Variants in TBC1D22A observed in about 807,000 individuals in gnomAD.
TBC1D22A encodes the protein TBC1 domain family member 22A, also known as putative GTPase activator.
TBC1D22A carries 38 observed loss-of-function variants against 60.2 expected under a neutral mutation model. The ratio of observed to expected loss-of-function variants is 0.63; its 90% confidence interval spans 0.49 to 0.83. TBC1D22A has a LOEUF of 0.83. Ranked by LOEUF, TBC1D22A falls within the 40% of genes least tolerant of loss-of-function variation. The pLI, the probability that TBC1D22A is intolerant of heterozygous loss-of-function variation, is 0.00. For missense variants in TBC1D22A, 628 were observed against 701.0 expected, an observed-to-expected ratio of 0.90 and a Z score of 1.18; for synonymous variants, 302 against 281.7, an observed-to-expected ratio of 1.07 and a Z score of -0.72.
intron 11 of TBC1D22A, among the ~76,000 whole-genome samples, chr22:47,075,102 A>G (rs1196057442): frequency 2.0e-5 from 3 of 152,116 alleles, no homozygotes; most frequent in African/African-American, 7.2e-5. Flanking sequence ...GGGCGCCTGT[A>G]GTCCCAGCTG....
Position 46,823,800 on chromosome 22 carries a change from C to T in TBC1D22A, c.637+26180C>T, listed in dbSNP as rs141016962. 2.0e-3 allele frequency among the ~76,000 whole-genome samples: 307 copies of T among 152,324 alleles called. 1 individual carries two copies. The highest frequency in any genetic ancestry group is 2.9e-3 in the Non-Finnish European group (199 of 68,012). On this transcript the variant is annotated intron_variant, in intron 4 of 12. Coordinates refer to ENST00000337137, the MANE Select transcript of TBC1D22A (RefSeq NM_014346.5). ...GCACTTCTGGGGTAAGAGCCTGCTG[C>T]GTGCCACATGCCGTCACAGGAGCCG...
At chr22:46,942,184 A>G (rs1181983229) in intron 8 of TBC1D22A, among the ~76,000 whole-genome samples, 1 of 152,050 alleles carries the variant, frequency 6.6e-6, no homozygotes, top group African/African-American at 2.4e-5. Context: ...AGGACTAGGC[A>G]GGCTGCCCGG....
intron 4 of TBC1D22A, among the ~76,000 whole-genome samples, chr22:46,802,210 G>A (rs1241018677): frequency 2.0e-5 from 3 of 152,240 alleles, no homozygotes; most frequent in African/African-American, 7.2e-5. Context: ...AGGCACTGGG[G>A]AGGAATCGGC....
At chr22:47,114,238 C>A (rs940803242) in intron 12 of TBC1D22A, among the ~76,000 whole-genome samples, 32 of 150,226 alleles carry the variant, frequency 2.1e-4, no homozygotes, top group African/African-American at 7.5e-4. Flanking sequence ...AGCCACACGG[C>A]CAGGGTGTGG....
At chr22:47,046,646 T>C (rs1257369018) in intron 11 of TBC1D22A, among the ~76,000 whole-genome samples, 1 of 152,172 alleles carries the variant, frequency 6.6e-6, no homozygotes. Context: ...GTAGAAAGAA[T>C]AGGGCTGAAC....
chr22:47,031,344 G>A (rs768302107), intron 10 of TBC1D22A, among the ~76,000 whole-genome samples: 24 of 152,364 alleles, frequency 1.6e-4, no homozygotes, highest in Non-Finnish European at 2.5e-4. Context: ...GCAGAAACAG[G>A]CCTTGTCTTC....
intron 1 of TBC1D22A, among the ~76,000 whole-genome samples, chr22:46,782,735 T>C (rs2083994293): frequency 6.6e-6 from 1 of 152,214 alleles, no homozygotes; most frequent in Non-Finnish European, 1.5e-5. Flanking sequence ...AATCATACAG[T>C]ATGCGGCCTT....
chr22:46,915,444 C>A (rs1190230950), intron 8 of TBC1D22A: 1 of 456,682 alleles, frequency 2.2e-6, no homozygotes, highest in South Asian at 1.5e-5. Context: ...GAGCACCTGC[C>A]AGTCCTTGGG....
At chr22:46,939,941 GT>G (rs1438189619) in intron 8 of TBC1D22A, among the ~76,000 whole-genome samples, 1 of 152,186 alleles carries the variant, frequency 6.6e-6, no homozygotes, top group African/African-American at 2.4e-5. Context: ...ATGAGCAGTC[GT>G]TTGCATTCAA....
intron 9 of TBC1D22A, among the ~76,000 whole-genome samples, chr22:46,975,143 G>A (rs904605833): frequency 5.9e-5 from 9 of 152,128 alleles, no homozygotes; most frequent in South Asian, 2.1e-4. Flanking sequence ...GGGTGTGGGC[G>A]TCTTAGTTTA....
intron 1 of TBC1D22A, among the ~76,000 whole-genome samples, chr22:46,774,681 T>C (rs1426562587): frequency 6.6e-6 from 1 of 152,186 alleles, no homozygotes; most frequent in Non-Finnish European, 1.5e-5. Context: ...CCCGAGCTCC[T>C]AGGGGAACGG....
intron 12 of TBC1D22A, among the ~76,000 whole-genome samples, chr22:47,136,333 T>G (rs1294861371): frequency 6.6e-6 from 1 of 152,180 alleles, no homozygotes; most frequent in Non-Finnish European, 1.5e-5. Context: ...ATTCAGCCGG[T>G]CTCCCCCCAA....
chr22:47,014,776 G>T (rs1268297298), intron 10 of TBC1D22A, among the ~76,000 whole-genome samples: 1 of 152,178 alleles, frequency 6.6e-6, no homozygotes, highest in Non-Finnish European at 1.5e-5. Context: ...GCTCCAGCGC[G>T]GCCTGTGTGT....
At chr22:46,765,943 C>T (rs1210208254) in intron 1 of TBC1D22A, among the ~76,000 whole-genome samples, 3 of 150,262 alleles carry the variant, frequency 2.0e-5, no homozygotes, top group Admixed American at 6.7e-5. Flanking sequence ...CTGGCCACCA[C>T]GCCCAGCTAA....
intron 12 of TBC1D22A, among the ~76,000 whole-genome samples, chr22:47,127,484 C>T (rs1199624888): frequency 6.6e-6 from 1 of 151,768 alleles, no homozygotes; most frequent in Non-Finnish European, 1.5e-5. Context: ...CCCGGCTTCC[C>T]CAAGTGCCGG....
intron 11 of TBC1D22A, among the ~76,000 whole-genome samples, chr22:47,087,636 A>G (rs111734396): frequency 3.3e-5 from 5 of 152,350 alleles, no homozygotes; most frequent in South Asian, 2.1e-4. Context: ...ACTGAAATAC[A>G]TATTTGCACA....
chr22:46,900,603 C>T (rs1321363640), intron 7 of TBC1D22A, among the ~76,000 whole-genome samples: 1 of 152,198 alleles, frequency 6.6e-6, no homozygotes, highest in African/African-American at 2.4e-5. Flanking sequence ...CTCTAGAGTT[C>T]TGCCCTTTTG....
chr22:47,108,419 T>A (rs545258918), intron 11 of TBC1D22A, among the ~76,000 whole-genome samples: 1 of 152,338 alleles, frequency 6.6e-6, no homozygotes, highest in Admixed American at 6.5e-5. Context: ...TCTAAGGTAA[T>A]CACCCTGTGT....
chr22:46,788,766 G>C (rs1466623282), intron 1 of TBC1D22A, among the ~76,000 whole-genome samples: 2 of 152,198 alleles, frequency 1.3e-5, no homozygotes, highest in East Asian at 3.8e-4. Context: ...GCTGACTTTA[G>C]AATTTTCTTC....
Sources: allele counts gnomAD v4.1 joint callset (sites outside exome capture counted in the v4.1 genomes callset), GRCh38; gene constraint gnomAD v4.1.1; transcripts MANE v1.5; gene names NCBI Gene and HGNC (gene_info 2026-07-23, HGNC 2026-07-21).